Variants in GPSM1 observed in about 807,000 individuals in gnomAD.
The protein encoded by GPSM1 is G protein signaling modulator 1.
A neutral mutation model predicts 70.5 loss-of-function variants in GPSM1; 48 were observed. The ratio of observed to expected loss-of-function variants is 0.68; its 90% CI spans 0.54 to 0.87. The LOEUF is 0.87. Ranked by LOEUF, GPSM1 falls within the 40% of genes least tolerant of loss-of-function variation. The pLI, the probability that GPSM1 is intolerant of heterozygous loss-of-function variation, is 0.00. For synonymous variants in GPSM1, 416 were observed against 430.1 expected (o/e 0.97, Z 0.41); for missense variants, 981 against 972.6 (o/e 1.01, Z -0.11).
rs1832364316 is a variant in GPSM1, at chr9:136,340,607, A to G, written c.1084-263A>G. On this transcript the variant is annotated intron_variant, in intron 8 of 13. Transcript: ENST00000440944. This position sits in a 1 kb window ranked among gnomAD's most constrained non-coding sequence, Gnocchi z 7.3. ...TCGCGCACCGGAGGGCACAGGCCCA[A>G]CCGCCTGGGACCCCAAGCATCTCTG... Among the ~76,000 whole-genome samples, 1 of 151,994 alleles carries G rather than the reference A, an allele frequency of 6.6e-6. No individual in the cohort carries two copies. Among genetic ancestry groups the G allele is most frequent in the Non-Finnish European group, 1.5e-5 (1 of 67,976 alleles).
At position 136,349,871 on chromosome 9, in the gene GPSM1, G is replaced by A. The variant is rs1424140167; in HGVS notation, c.1455+108G>A. ...GCCAGGTCAGGCCCGGGCACTCCGGGGAGGCAGGGGTCCCTCCCCGGTGCA... is the reference window on the plus strand; with the variant it reads ...GCCAGGTCAGGCCCGGGCACTCCGGAGAGGCAGGGGTCCCTCCCCGGTGCA... On this transcript the variant is annotated intron_variant, in intron 11 of 13. Transcript: ENST00000440944. 2.8e-6 allele frequency: 3 copies of A among 1,071,206 alleles called. No homozygotes were observed. The African/African-American group carries it at 4.8e-5, about 17-fold the overall frequency. The allele number at this position is 1,071,206 out of a possible 1,614,324, so 66.4% of individuals were successfully genotyped here.
Position 136,342,394 on chromosome 9 carries a change from T to C in GPSM1, c.1207+1401T>C, listed in dbSNP as rs1458707568. Among the ~76,000 whole-genome samples the C allele has an allele frequency of 6.6e-6, 1 of 151,830 alleles. No homozygotes were observed. The highest frequency in any genetic ancestry group is 1.5e-5 in the Non-Finnish European group (1 of 67,952). On this transcript the variant is annotated intron_variant, in intron 9 of 13. Transcript: ENST00000440944. This position sits in a 1 kb window ranked among gnomAD's most constrained non-coding sequence, Gnocchi z 5.5. ...GAGCCAAGGAAAAGGGGGGCCGGAG[T>C]GGGAGGACGCTGGAACAATGCAGCT...
chr9:136,340,001 G>A lies in GPSM1; in HGVS notation c.1083+186G>A, dbSNP rs1336464273. Among the ~76,000 whole-genome samples, 5 of 136,288 alleles carry A rather than the reference G, an allele frequency of 3.7e-5. No individual in the cohort carries two copies. Among genetic ancestry groups the A allele is most frequent in the African/African-American group, 9.6e-5 (3 of 31,154 alleles). 89.4% of individuals were successfully genotyped at this position (136,288 alleles called of 152,430 possible). A position where few individuals can be genotyped will look rare whatever the true frequency, so the allele number is the denominator to read the frequency against. On this transcript the variant is annotated intron_variant, in intron 8 of 13. Coordinates refer to ENST00000440944, the MANE Select transcript of GPSM1 (RefSeq NM_001145638.3). The surrounding 1 kb of genome is among the most constrained non-coding windows in gnomAD (Gnocchi z 7.3). ...TCTACCATGCCCGGGGGTTTTTCCTGCAGCCCCCAGCTGGTGCCTTCCTGG... is the reference window on the plus strand; with the variant it reads ...TCTACCATGCCCGGGGGTTTTTCCTACAGCCCCCAGCTGGTGCCTTCCTGG...
chr9:136,350,839 G>C (rs1234803964), intron 11 of GPSM1, among the ~76,000 whole-genome samples: 1 of 152,190 alleles, frequency 6.6e-6, no homozygotes, highest in Non-Finnish European at 1.5e-5. Flanking sequence ...CAGTTGCAGT[G>C]ACTGCCAAGT....
At chr9:136,348,085 GAT>G (rs1441833669) in intron 9 of GPSM1, among the ~76,000 whole-genome samples, 1 of 152,232 alleles carries the variant, frequency 6.6e-6, no homozygotes, top group Non-Finnish European at 1.5e-5. Context: ...GGCTAGAGGG[GAT>G]GGGGGTCCCT....
At chr9:136,349,803 A>C in intron 11 of GPSM1, 40 bp downstream of exon 11, 1 of 1,511,710 alleles carries the variant, frequency 6.6e-7, no homozygotes, top group Non-Finnish European at 8.9e-7. Flanking sequence ...GAGAGGGAGG[A>C]GAGCTTGGCA....
chr9:136,332,292 G>T (rs1832119378), intron 1 of GPSM1: 1 of 397,656 alleles, frequency 2.5e-6, no homozygotes, highest in African/African-American at 2.1e-5. Context: ...TGGCTGCATT[G>T]CCTGGATCCC....
Position 136,328,764 on chromosome 9 carries a change from C to T in GPSM1, c.68+1001C>T, listed in dbSNP as rs180707345. Among the ~76,000 whole-genome samples the T allele has an allele frequency of 1.4e-3, 218 of 152,282 alleles. 1 individual carries two copies. The highest frequency in any genetic ancestry group is 6.8e-3 in the Middle Eastern group (2 of 294). On this transcript the variant is annotated intron_variant, in intron 1 of 13. Transcript: ENST00000440944. Reference sequence around the variant, plus strand: ...CCCCATTGTGCCGTCCTGGATGGAGCGCTGAGCCCCTAGCCTGGCTCCTGG... The same window carrying T: ...CCCCATTGTGCCGTCCTGGATGGAGTGCTGAGCCCCTAGCCTGGCTCCTGG...
intron 1 of GPSM1, 131 bp downstream of exon 1, chr9:136,327,894 C>T (rs924049771): frequency 1.6e-5 from 4 of 244,836 alleles, no homozygotes; most frequent in Non-Finnish European, 2.9e-5. Context: ...GGACGCGCCC[C>T]TCCCTCCAGG....
chr9:136,358,168 G>C lies in GPSM1; in HGVS notation c.1976G>C (p.Gly659Ala), dbSNP rs1387206975. The change falls in exon 14 of 14, where the codon GGG becomes GCG. Residue 659 changes from glycine to alanine, a missense_variant. Gly to Ala is a moderately conservative substitution (Grantham distance 60). Transcript: ENST00000440944. ...RVDLAGGPEQGAGGPPEPQQQ... is the reference protein window; with the variant it reads ...RVDLAGGPEQAAGGPPEPQQQ... ...GACCTCGCCGGGGGCCCGGAGCAGG[G>C]GGCAGGCGGCCCGCCCGAGCCCCAG... is the stretch of plus-strand genomic sequence containing the variant. The C allele has an allele frequency of 6.3e-6, 10 of 1,586,726 alleles. No individual in the cohort carries two copies. Among genetic ancestry groups the C allele is most frequent in the African/African-American group, 1.3e-5 (1 of 74,348 alleles).
intron 11 of GPSM1, among the ~76,000 whole-genome samples, chr9:136,353,794 A>G (rs1010142276): frequency 1.3e-5 from 2 of 152,116 alleles, no homozygotes; most frequent in African/African-American, 4.8e-5. Context: ...CTAGGTCATC[A>G]TAGCCCAGGA....
At position 136,341,541 on chromosome 9, in the gene GPSM1, C is replaced by G; in HGVS notation, c.1207+548C>G. ...ACAGGACAGAACGTCCCCTGCAAAG[C>G]GAAAAGACTAATAGGTGCCAGGGGG... On this transcript the variant is annotated intron_variant, in intron 9 of 13. Coordinates refer to ENST00000440944, the MANE Select transcript of GPSM1 (RefSeq NM_001145638.3). This position sits in a 1 kb window ranked among gnomAD's most constrained non-coding sequence, Gnocchi z 6.7. 1 of 1,086,142 alleles carries G rather than the reference C, an allele frequency of 9.2e-7. No homozygotes were observed. The allele number at this position is 1,086,142 out of a possible 1,614,324, so 67.3% of individuals were successfully genotyped here. A position where few individuals can be genotyped will look rare whatever the true frequency, so the allele number is the denominator to read the frequency against.
At chr9:136,347,332 T>G (rs1399592579) in intron 9 of GPSM1, among the ~76,000 whole-genome samples, 1 of 151,978 alleles carries the variant, frequency 6.6e-6, no homozygotes, top group Non-Finnish European at 1.5e-5. Context: ...TCACACTGGG[T>G]GTGCGCAGGG....
At chr9:136,338,444 CA>C in intron 6 of GPSM1, 110 bp from the exon 7 acceptor site, 1 of 1,027,516 alleles carries the variant, frequency 9.7e-7, no homozygotes, top group Non-Finnish European at 1.4e-6. Context: ...AGAGAGGCCC[CA>C]GTGGGATTCC....
At chr9:136,333,937 A>T (rs1265176149) in intron 1 of GPSM1, among the ~76,000 whole-genome samples, 1 of 151,872 alleles carries the variant, frequency 6.6e-6, no homozygotes, top group Non-Finnish European at 1.5e-5. Context: ...CCGAGATCAG[A>T]TCCCCACCCC....
intron 11 of GPSM1, chr9:136,352,940 T>A: frequency 5.2e-6 from 1 of 191,650 alleles, no homozygotes; most frequent in Non-Finnish European, 9.6e-6. Flanking sequence ...TGAGCCTGTG[T>A]GTGTGCACGC....
At position 136,332,658 on chromosome 9, in the gene GPSM1, C is replaced by T. The variant is rs370241364; in HGVS notation, c.69-1789C>T. Among the ~76,000 whole-genome samples, 12 of 152,142 alleles carry T rather than the reference C, an allele frequency of 7.9e-5. No homozygotes were observed. The East Asian group carries it at 1.4e-3, about 17-fold the overall frequency. On this transcript the variant is annotated intron_variant, in intron 1 of 13. Coordinates refer to ENST00000440944, the MANE Select transcript of GPSM1 (RefSeq NM_001145638.3). Reference sequence around the variant, plus strand: ...GATGGGGCTTGGCTGGTTGTCATGGCGACGGTGGGCTCCTGTGACCCACGT... The same window carrying T: ...GATGGGGCTTGGCTGGTTGTCATGGTGACGGTGGGCTCCTGTGACCCACGT...
At chr9:136,330,248 T>A (rs1588687668) in intron 1 of GPSM1, among the ~76,000 whole-genome samples, 1 of 151,896 alleles carries the variant, frequency 6.6e-6, no homozygotes, top group Non-Finnish European at 1.5e-5. Flanking sequence ...CACCTTGGGG[T>A]GACCCTGTTA....
chr9:136,344,514 G>C (rs773673780), intron 9 of GPSM1, among the ~76,000 whole-genome samples: 3 of 152,204 alleles, frequency 2.0e-5, no homozygotes, highest in Non-Finnish European at 4.4e-5. Context: ...GAAGAAGGGG[G>C]AGCTTGAGAA....
Sources: gnomAD v4.1 joint callset for allele counts (sites outside exome capture counted in the v4.1 genomes callset) on GRCh38, gnomAD v4.1.1 for gene constraint, Gnocchi (gnomAD v3.1) non-coding constraint, MANE v1.5 for transcripts, NCBI Gene and HGNC (gene_info 2026-07-23, HGNC 2026-07-21) for gene names.